LRMDA: variants seen among roughly 807,000 people sequenced by gnomAD.
The protein encoded by LRMDA is leucine rich melanocyte differentiation associated.
LRMDA carries 18 observed loss-of-function variants against 29.8 expected under a neutral mutation model. The ratio of observed to expected loss-of-function variants is 0.60; its 90% CI spans 0.42 to 0.90. The LOEUF (loss-of-function observed/expected upper bound fraction) is 0.90, where lower values mean the gene tolerates loss of function less well. Ranked by LOEUF, LRMDA falls within the 40% of genes least tolerant of loss-of-function variation. The pLI, the probability that LRMDA is intolerant of heterozygous loss-of-function variation, is 0.00. For missense variants in LRMDA, 273 were observed against 273.9 expected (o/e 1.00, Z 0.02); for synonymous variants, 125 against 109.4 (o/e 1.14, Z -0.89).
intron 6 of LRMDA, among the ~76,000 whole-genome samples, chr10:76,507,653 TTTTTA>T (rs1193584847): frequency 1.3e-5 from 2 of 152,138 alleles, no homozygotes; most frequent in Non-Finnish European, 2.9e-5. Flanking sequence ...TTTTAATCCA[TTTTTA>T]TTTTATTTTT....
chr10:75,904,338 TAA>T (rs1845724430), intron 2 of LRMDA, among the ~76,000 whole-genome samples: 1 of 152,212 alleles, frequency 6.6e-6, no homozygotes, highest in African/African-American at 2.4e-5. Context: ...GCAAGAAGTA[TAA>T]AGTCTTTTTG....
chr10:76,126,320 G>C (rs1375550440), intron 5 of LRMDA, among the ~76,000 whole-genome samples: 1 of 152,092 alleles, frequency 6.6e-6, no homozygotes, highest in Non-Finnish European at 1.5e-5. Flanking sequence ...TTGTTTGTTT[G>C]TTTTTATTCA....
At position 75,648,345 on chromosome 10, in the gene LRMDA, C is replaced by T. The variant is rs78854163; in HGVS notation, c.131+209851C>T. On this transcript the variant is annotated intron_variant, in intron 2 of 6. Transcript: ENST00000611255. ...CCTCTTGCTAGCATGGTGTGCCTTT[C>T]CCTACAACTTGGGCTGCTCAGTGGA... is the stretch of plus-strand genomic sequence containing the variant. 6.4e-3 allele frequency among the ~76,000 whole-genome samples: 982 copies of T among 152,282 alleles called. 15 individuals are homozygous for T. The highest frequency in any genetic ancestry group is 0.022 in the African/African-American group (920 of 41,558).
intron 6 of LRMDA, among the ~76,000 whole-genome samples, chr10:76,391,837 A>G (rs761540317): frequency 6.6e-6 from 1 of 152,224 alleles, no homozygotes; most frequent in Non-Finnish European, 1.5e-5. Flanking sequence ...GAGATTAGGT[A>G]GTAAAATGCC....
intron 5 of LRMDA, among the ~76,000 whole-genome samples, chr10:76,110,255 C>T (rs950212236): frequency 5.3e-5 from 8 of 152,180 alleles, no homozygotes; most frequent in African/African-American, 1.4e-4. Flanking sequence ...GCCACACTGC[C>T]TCAGCATTTC....
chr10:75,958,600 G>A (rs768885474), intron 2 of LRMDA, among the ~76,000 whole-genome samples: 1 of 152,090 alleles, frequency 6.6e-6, no homozygotes, highest in Non-Finnish European at 1.5e-5. Context: ...AATAAGTGTA[G>A]AGTTTTGATT....
chr10:75,531,964 C>T (rs1044711741), intron 2 of LRMDA, among the ~76,000 whole-genome samples: 1 of 148,760 alleles, frequency 6.7e-6, no homozygotes, highest in Admixed American at 6.8e-5. Flanking sequence ...GAGGATCACT[C>T]GAGCCCAGGA....
intron 2 of LRMDA, among the ~76,000 whole-genome samples, chr10:75,617,643 A>T (rs1211084747): frequency 6.6e-6 from 1 of 151,814 alleles, no homozygotes; most frequent in Non-Finnish European, 1.5e-5. Flanking sequence ...CTGTCTACAC[A>T]CTCTGCTCCA....
chr10:75,544,750 A>G (rs1353590937), intron 2 of LRMDA, among the ~76,000 whole-genome samples: 3 of 152,176 alleles, frequency 2.0e-5, no homozygotes, highest in Non-Finnish European at 4.4e-5. Flanking sequence ...TTTAAGGAGA[A>G]ACAATCGAAA....
chr10:75,596,542 ATT>A (rs775484607), intron 2 of LRMDA, among the ~76,000 whole-genome samples: 2 of 150,218 alleles, frequency 1.3e-5, no homozygotes, highest in Admixed American at 6.6e-5. Flanking sequence ...GTCTACTGAG[ATT>A]TTTTTTTTTT....
chr10:76,061,561 G>T (rs1848701638), intron 5 of LRMDA, among the ~76,000 whole-genome samples: 1 of 152,158 alleles, frequency 6.6e-6, no homozygotes, highest in Non-Finnish European at 1.5e-5. Flanking sequence ...TGAGGAGAGA[G>T]ACTAAAGTAC....
chr10:75,506,723 A>G (rs1206259097), intron 2 of LRMDA, among the ~76,000 whole-genome samples: 1 of 152,236 alleles, frequency 6.6e-6, no homozygotes, highest in Non-Finnish European at 1.5e-5. Flanking sequence ...CCCAGTGACC[A>G]TGATGATTGA....
At chr10:76,211,601 C>T (rs1006880118) in intron 5 of LRMDA, among the ~76,000 whole-genome samples, 2 of 152,190 alleles carry the variant, frequency 1.3e-5, no homozygotes, top group Non-Finnish European at 2.9e-5. Flanking sequence ...GAGCTGAAAC[C>T]AAAATGTCAC....
intron 2 of LRMDA, among the ~76,000 whole-genome samples, chr10:75,829,622 A>T (rs2132289622): frequency 1.3e-5 from 2 of 152,204 alleles, no homozygotes; most frequent in South Asian, 4.1e-4. Context: ...AGAATATGTT[A>T]GTAACACTTC....
intron 5 of LRMDA, among the ~76,000 whole-genome samples, chr10:76,062,688 G>A (rs940147779): frequency 1.3e-5 from 2 of 151,764 alleles, no homozygotes; most frequent in African/African-American, 4.8e-5. Flanking sequence ...GTGTGTGTGT[G>A]TGTGTGTGTT....
intron 2 of LRMDA, among the ~76,000 whole-genome samples, chr10:75,639,200 C>G (rs1023993109): frequency 6.6e-6 from 1 of 152,162 alleles, no homozygotes; most frequent in Non-Finnish European, 1.5e-5. Flanking sequence ...TAGGATTCTT[C>G]TTCAGATTAA....
intron 5 of LRMDA, among the ~76,000 whole-genome samples, chr10:76,076,078 T>C (rs528671600): frequency 5.3e-5 from 8 of 152,302 alleles, no homozygotes; most frequent in African/African-American, 1.9e-4. Flanking sequence ...GCGCGGTGGC[T>C]CATGCCTGTA....
chr10:76,495,263 G>T (rs1842871004), intron 6 of LRMDA, among the ~76,000 whole-genome samples: 1 of 151,530 alleles, frequency 6.6e-6, no homozygotes, highest in African/African-American at 2.4e-5. Context: ...ATAATTTATT[G>T]TAAACTATCT....
chr10:75,716,411 G>A lies in LRMDA; in HGVS notation c.131+277917G>A, dbSNP rs183732511. Among the ~76,000 whole-genome samples, 237 of 152,246 alleles carry A rather than the reference G, an allele frequency of 1.6e-3. 2 individuals are homozygous for A. The South Asian group carries it at 0.016, about 10-fold the overall frequency. ...CGTTGTTTATGCCACCCTTAGTTGG[G>A]TATTCTGTTACTTGCAATCTAAAGC... On this transcript the variant is annotated intron_variant, in intron 2 of 6. Transcript: ENST00000611255.
Sources: allele counts gnomAD v4.1 joint callset (sites outside exome capture counted in the v4.1 genomes callset), GRCh38; gene constraint gnomAD v4.1.1; transcripts MANE v1.5; gene names NCBI Gene and HGNC (gene_info 2026-07-23, HGNC 2026-07-21).